Variants in NBPF26 observed in about 807,000 individuals in gnomAD.
The protein encoded by NBPF26 is NBPF member 26, also known as NBPF family member NBPF26.
In NBPF26, 79 loss-of-function variants were observed where a neutral mutation model predicts 119.6. The observed-to-expected ratio is 0.66, with a 90% CI of 0.55 to 0.80. NBPF26 has a LOEUF of 0.80. Ranked by LOEUF, NBPF26 falls within the 30% of genes least tolerant of loss-of-function variation. The pLI is 0.00. For synonymous variants in NBPF26, 299 were observed against 457.7 expected, an observed-to-expected ratio of 0.65 and a Z score of 4.43; for missense variants, 800 against 1,198.2, an observed-to-expected ratio of 0.67 and a Z score of 4.91.
chr1:120,802,443 A>G (rs1187357532), intron 4 of NBPF26, among the ~76,000 whole-genome samples: 1 of 126,582 alleles, frequency 7.9e-6, no homozygotes, highest in East Asian at 2.0e-4. Flanking sequence ...CCTAGAAGTA[A>G]AGGAGATCTG....
intron 15 of NBPF26, among the ~76,000 whole-genome samples, chr1:120,818,741 C>G (rs1652066223): frequency 8.3e-6 from 1 of 120,908 alleles, no homozygotes; most frequent in African/African-American, 4.0e-5. Context: ...TTGTTATTTT[C>G]CCAGTAGTCA....
chr1:120,724,671 G>T (rs1432407747), intron 1 of NBPF26, among the ~76,000 whole-genome samples: 1 of 124,236 alleles, frequency 8.0e-6, no homozygotes, highest in Non-Finnish European at 1.6e-5. Flanking sequence ...GGAGAGCGGG[G>T]GCAGGGCCGC....
rs1296675780 is a variant in NBPF26 at position 120,801,859 on chromosome 1, C to G, written c.752-3697C>G. Among the ~76,000 whole-genome samples the G allele has an allele frequency of 3.2e-5, 3 of 92,448 alleles. 1 individual carries two copies. Among genetic ancestry groups the G allele is most frequent in the African/African-American group, 7.2e-5 (1 of 13,870 alleles). The allele number at this position is 92,448 out of a possible 152,430, so 60.6% of individuals were successfully genotyped here. On this transcript the variant is annotated intron_variant, in intron 4 of 29. Transcript: ENST00000620612. The stretch of plus-strand genomic sequence containing the variant: ...AAAAAAAAAAAAAAAAAAGGCATCT[C>G]ACTTTAATAGTAAGAGGCCAGAATA...
chr1:120,823,893 A>G, intron 17 of NBPF26, 81 bp from the exon 18 acceptor site: 1 of 490,974 alleles, frequency 2.0e-6, no homozygotes, highest in Non-Finnish European at 3.6e-6. Flanking sequence ...ACTCTTCCTT[A>G]CATTAGCCAT....
intron 1 of NBPF26, among the ~76,000 whole-genome samples, chr1:120,760,369 TTCA>T (rs1651123183): frequency 8.3e-6 from 1 of 120,540 alleles, no homozygotes; most frequent in Admixed American, 8.2e-5. Context: ...GAGATGGGGT[TTCA>T]TCATCTTGGC....
chr1:120,823,678 C>A (rs1435550057), intron 17 of NBPF26, among the ~76,000 whole-genome samples: 1 of 121,870 alleles, frequency 8.2e-6, no homozygotes, highest in Non-Finnish European at 1.7e-5. Flanking sequence ...CACTGTGTGT[C>A]CTGAGAGCAC....
intron 3 of NBPF26, among the ~76,000 whole-genome samples, chr1:120,790,586 TTCTTTCTC>T (rs1651479928): frequency 9.7e-6 from 1 of 103,286 alleles, no homozygotes; most frequent in Non-Finnish European, 1.8e-5. Flanking sequence ...CTTTCTTTCT[TTCTTTCTC>T]TTTCTCTCTC....
rs1253801089 is a variant in NBPF26 at position 120,822,157 on chromosome 1, G to A, written c.2477G>A (p.Gly826Asp). ...GTCCCCCAGGAGTCCTGGGATGAAG[G>A]TTATTCGACTCTCTCAATTCCTCCT... The change falls in exon 16 of 30, where the codon GGT becomes GAT. Residue 826 changes from glycine (G) to aspartate (D), a missense_variant. Transcript: ENST00000620612. 73 of 1,272,578 alleles carry A rather than the reference G, an allele frequency of 5.7e-5. 16 individuals carry two copies. Among genetic ancestry groups the A allele is most frequent in the Non-Finnish European group, 1.9e-5 (18 of 938,018 alleles). The allele number at this position is 1,272,578 out of a possible 1,614,324, so 78.8% of individuals were successfully genotyped here.
chr1:120,768,232 G>T lies in NBPF26; in HGVS notation c.155+4523G>T, dbSNP rs1457547010. On this transcript the variant is annotated intron_variant, in intron 2 of 29. Transcript: ENST00000620612. ...ATTCCCAAGATGGGACCCTTCTAGG[G>T]GTTCAGTGGAAAGTGTGAGGGGCCT... Among the ~76,000 whole-genome samples, 71 of 114,098 alleles carry T rather than the reference G, an allele frequency of 6.2e-4. 17 individuals are homozygous for T. Among genetic ancestry groups the T allele is most frequent in the Non-Finnish European group, 1.0e-3 (62 of 60,102 alleles). 74.9% of individuals were successfully genotyped at this position (114,098 alleles called of 152,430 possible). A position where few individuals can be genotyped will look rare whatever the true frequency, so the allele number is the denominator to read the frequency against.
chr1:120,805,112 G>T (rs1651648952), intron 4 of NBPF26, among the ~76,000 whole-genome samples: 1 of 124,976 alleles, frequency 8.0e-6, no homozygotes, highest in East Asian at 2.0e-4. Context: ...AAAGACACGG[G>T]TCTGTGGCAT....
At chr1:120,807,069 C>G (rs1445227300) in intron 5 of NBPF26, among the ~76,000 whole-genome samples, 1 of 130,828 alleles carries the variant, frequency 7.6e-6, no homozygotes, top group African/African-American at 3.4e-5. Flanking sequence ...CCTTCATGGC[C>G]TTATTGTCTT....
chr1:120,815,234 C>A (rs1419057812), intron 12 of NBPF26, among the ~76,000 whole-genome samples, 191 bp downstream of exon 12: 2 of 113,568 alleles, frequency 1.8e-5, no homozygotes, highest in Admixed American at 1.7e-4. Context: ...CACAGTATTG[C>A]AAGTGTCCCT....
chr1:120,815,197 A>G lies in NBPF26; in HGVS notation c.2092+154A>G, dbSNP rs1277538866. 5.5e-5 allele frequency among the ~76,000 whole-genome samples: 6 copies of G among 109,286 alleles called. 1 individual carries two copies. Among genetic ancestry groups the G allele is most frequent in the Admixed American group, 5.2e-4 (6 of 11,496 alleles). 71.7% of individuals were successfully genotyped at this position (109,286 alleles called of 152,430 possible). On this transcript the variant is annotated intron_variant, in intron 12 of 29. Coordinates refer to ENST00000620612, the Ensembl canonical transcript of NBPF26. The stretch of plus-strand genomic sequence containing the variant: ...ACCAGGACTTCTTGGGTAAGAACAG[A>G]GATGGGAAACCCATGGGGTTGGAGG...
chr1:120,790,554 TTC>T (rs1456198595), intron 3 of NBPF26, among the ~76,000 whole-genome samples: 1 of 99,678 alleles, frequency 1.0e-5, no homozygotes, highest in Non-Finnish European at 1.8e-5. Context: ...CTTTCTTTCT[TTC>T]TTTCTTTCTT....
chr1:120,818,595 T>C (rs1481337513), intron 15 of NBPF26, among the ~76,000 whole-genome samples: 1 of 126,880 alleles, frequency 7.9e-6, no homozygotes, highest in African/African-American at 3.7e-5. Flanking sequence ...TTTTAGGTCT[T>C]TTCTGCTTTC....
chr1:120,833,372 T>TCTCA (rs1491378941), intron 23 of NBPF26, among the ~76,000 whole-genome samples: 4 of 67,238 alleles, frequency 5.9e-5, no homozygotes, highest in East Asian at 3.4e-4. Flanking sequence ...ACTTTCTCTC[T>TCTCA]GTCTCTGTCT....
chr1:120,809,530 T>G (rs1553270666), intron 7 of NBPF26, among the ~76,000 whole-genome samples: 241 of 140,178 alleles, frequency 1.7e-3, no homozygotes, highest in Middle Eastern at 3.6e-3. Flanking sequence ...GGGAGACAGC[T>G]GCCAAAGTCC....
intron 9 of NBPF26, among the ~76,000 whole-genome samples, chr1:120,811,673 G>A (rs1194866736): frequency 8.8e-6 from 1 of 113,960 alleles, no homozygotes; most frequent in Non-Finnish European, 1.7e-5. Flanking sequence ...AGCAAGAAAA[G>A]TGTAGAAGTG....
At chr1:120,804,556 G>T (rs1651630998) in intron 4 of NBPF26, among the ~76,000 whole-genome samples, 1 of 109,090 alleles carries the variant, frequency 9.2e-6, no homozygotes, top group African/African-American at 5.4e-5. Context: ...CAAGATAGAT[G>T]GTCACACATG....
Sources: allele counts gnomAD v4.1 joint callset (sites outside exome capture counted in the v4.1 genomes callset), GRCh38; gene constraint gnomAD v4.1.1; transcripts MANE v1.5; gene names NCBI Gene and HGNC (gene_info 2026-07-23, HGNC 2026-07-21).